The following EPG5 variants were observed in gnomAD, a reference collection of about 807,000 sequenced individuals.
EPG5 encodes the protein ectopic P-granules 5 autophagy tethering factor, also known as ectopic P granules protein 5 homolog.
In EPG5, 159 loss-of-function variants were observed where a neutral mutation model predicts 302.7. The observed-to-expected ratio is 0.53, with a 90% CI of 0.46 to 0.60. The LOEUF (loss-of-function observed/expected upper bound fraction) is 0.60, where lower values mean the gene tolerates loss of function less well. Among genes scored for constraint, EPG5 ranks in the 20% least tolerant of loss-of-function variants. The probability of loss-of-function intolerance (pLI) is 0.00; values close to 1 mark genes in which losing one functional copy is unlikely to be tolerated. For synonymous variants in EPG5, 1,158 were observed against 1,136.8 expected (o/e 1.02, Z -0.37); for missense variants, 2,896 against 3,092.4 (o/e 0.94, Z 1.51).
chr18:45,831,325 T>C, the EPG5 span, among the ~76,000 whole-genome samples: 1 of 152,234 alleles, frequency 6.6e-6, no homozygotes, highest in East Asian at 1.9e-4. Flanking sequence ...CTTTCCACTA[T>C]TTTTTACTAA....
chr18:45,921,440 G>A (rs1188305553), intron 16 of EPG5, among the ~76,000 whole-genome samples: 2 of 152,230 alleles, frequency 1.3e-5, no homozygotes, highest in Non-Finnish European at 2.9e-5. Flanking sequence ...AATCAACTGA[G>A]AAGTCATTCA....
the EPG5 span, among the ~76,000 whole-genome samples, chr18:45,807,666 C>G: frequency 6.6e-6 from 1 of 152,112 alleles, no homozygotes; most frequent in African/African-American, 2.4e-5. Flanking sequence ...AAGCCACATC[C>G]ATAGGAAAAG....
the EPG5 span, among the ~76,000 whole-genome samples, chr18:45,833,918 G>GAAA: frequency 6.6e-6 from 1 of 151,982 alleles, no homozygotes; most frequent in African/African-American, 2.4e-5. Context: ...AGGAAATATG[G>GAAA]AAAAAAACCC....
chr18:45,906,888 T>G lies in EPG5; in HGVS notation c.4329+1070A>C, dbSNP rs546886557. On this transcript the variant is annotated intron_variant, in intron 24 of 43. Transcript: ENST00000282041. ...CCAGGCTGGTCTTGAACTCCTGGCCTCAGGTGATCTACCCACCTCGGCCTC... is the reference window on the plus strand; with the variant it reads ...CCAGGCTGGTCTTGAACTCCTGGCCGCAGGTGATCTACCCACCTCGGCCTC... 3.3e-5 allele frequency among the ~76,000 whole-genome samples: 5 copies of G among 152,346 alleles called. No homozygotes were observed. In the East Asian group the frequency reaches 9.6e-4, roughly 29 times the overall value.
chr18:45,946,915 A>G, intron 6 of EPG5, 147 bp from the exon 7 acceptor site: 1 of 641,130 alleles, frequency 1.6e-6, no homozygotes, highest in Admixed American at 2.9e-5. Flanking sequence ...CCAAAAACCA[A>G]GGCTAATAAA....
At chr18:45,878,968 G>T in intron 33 of EPG5, 45 bp downstream of exon 33, 2 of 1,496,254 alleles carry the variant, frequency 1.3e-6, no homozygotes. Context: ...TCTCTTAATG[G>T]AAAGTCCAAA....
Position 45,878,961 on chromosome 18 carries a change from C to T in EPG5, c.5869+52G>A. ...TCTTAATGTGCCTATTTAAATCTCTCTTAATGGAAAGTCCAAACACCTAGC... is the reference window on the plus strand; with the variant it reads ...TCTTAATGTGCCTATTTAAATCTCTTTTAATGGAAAGTCCAAACACCTAGC... On this transcript the variant is annotated intron_variant, in intron 33 of 43. Transcript: ENST00000282041. 4.8e-6 allele frequency: 7 copies of T among 1,450,812 alleles called. No individual in the cohort carries two copies. In the East Asian group the frequency reaches 1.6e-4, roughly 33 times the overall value. 89.9% of individuals were successfully genotyped at this position (1,450,812 alleles called of 1,614,324 possible).
chr18:45,886,481 A>AT (rs2049219348), intron 29 of EPG5, among the ~76,000 whole-genome samples: 1 of 152,260 alleles, frequency 6.6e-6, no homozygotes, highest in Non-Finnish European at 1.5e-5. Flanking sequence ...CCATATCTAT[A>AT]TATCTCTATA....
Position 45,903,973 on chromosome 18 carries a change from C to T in EPG5, c.4474G>A (p.Ala1492Thr). ...AGGGGCAGGTGCTCCCAGGACCCAC[C>T]CAGCAAAGGATCAGTGAAGTCCAGC... ...VQLDFTDPLL[A>T]KERVLSNLRK... is the part of the protein sequence containing the mutation. Residue 1492 changes from alanine (A) to threonine (T), a missense_variant and splice_region_variant, in exon 25 of 44, where the codon GCT (alanine) becomes ACT (threonine). Transcript: ENST00000282041. The T allele has an allele frequency of 6.2e-7, 1 of 1,605,354 alleles. No individual in the cohort carries two copies. Among genetic ancestry groups the T allele is most frequent in the Non-Finnish European group, 8.5e-7 (1 of 1,178,170 alleles).
At chr18:45,826,100 G>A in the EPG5 span, among the ~76,000 whole-genome samples, 1 of 152,200 alleles carries the variant, frequency 6.6e-6, no homozygotes, top group East Asian at 1.9e-4. Flanking sequence ...GACATCACAG[G>A]CTCTGAACAA....
rs768639138 is a variant in EPG5 at position 45,913,689 on chromosome 18, A to T, written c.3816+17T>A. The T allele has an allele frequency of 2.4e-5, 39 of 1,613,570 alleles. No individual in the cohort carries two copies. The highest frequency in any genetic ancestry group is 3.3e-5 in the Admixed American group (2 of 59,932). On this transcript the variant is annotated intron_variant, in intron 21 of 43. Coordinates refer to ENST00000282041, the MANE Select transcript of EPG5 (RefSeq NM_020964.3). The stretch of plus-strand genomic sequence containing the variant: ...AAGCCACCTTCTACCACTCAAATGC[A>T]GAACTGCTATTTGTACCTTCAGAGC...
At chr18:45,834,006 T>C in the EPG5 span, among the ~76,000 whole-genome samples, 1 of 152,348 alleles carries the variant, frequency 6.6e-6, no homozygotes, top group African/African-American at 2.4e-5. Flanking sequence ...CTGTGTGCTC[T>C]GGCCTCATTA....
chr18:45,869,541 C>G (rs2048825966), intron 36 of EPG5, among the ~76,000 whole-genome samples: 1 of 152,166 alleles, frequency 6.6e-6, no homozygotes, highest in African/African-American at 2.4e-5. Flanking sequence ...TAAGGTCATC[C>G]TTTTTAAAAC....
chr18:45,831,397 C>T, the EPG5 span, among the ~76,000 whole-genome samples: 10 of 152,342 alleles, frequency 6.6e-5, no homozygotes, highest in Middle Eastern at 3.4e-3. Context: ...AGTCTACAAA[C>T]AGAAACCACA....
At chr18:45,939,898 T>C in intron 9 of EPG5, 143 bp from the exon 10 acceptor site, 3 of 721,294 alleles carry the variant, frequency 4.2e-6, no homozygotes, top group East Asian at 2.8e-5. Context: ...CTGAAACTAA[T>C]GAAATGGGGA....
intron 6 of EPG5, among the ~76,000 whole-genome samples, chr18:45,947,873 A>G (rs1463466464): frequency 1.3e-5 from 2 of 152,040 alleles, no homozygotes; most frequent in African/African-American, 4.8e-5. Flanking sequence ...CCCAGGTTCA[A>G]ATGATTCTCC....
chr18:45,872,657 TCGCACCAC>T (rs1453066213), intron 35 of EPG5, among the ~76,000 whole-genome samples: 1 of 151,850 alleles, frequency 6.6e-6, no homozygotes, highest in Non-Finnish European at 1.5e-5. Context: ...TGAGCCAAGA[TCGCACCAC>T]CGCACTCCAA....
At chr18:45,966,120 C>T (rs1044394009) in intron 1 of EPG5, among the ~76,000 whole-genome samples, 1 of 151,946 alleles carries the variant, frequency 6.6e-6, no homozygotes, top group East Asian at 1.9e-4. Flanking sequence ...CGCCTGTAAT[C>T]TCAGCACTTT....
Position 45,858,571 on chromosome 18 carries a change from G to T in EPG5, c.7221C>A (p.Tyr2407Ter). The change falls in exon 41 of 44, where the codon TAC becomes TAA. Residue 2407 changes from tyrosine (Y) to a stop codon, truncating the protein, a stop_gained. Coordinates refer to ENST00000282041, the MANE Select transcript of EPG5 (RefSeq NM_020964.3). LOFTEE classifies it high-confidence loss of function. ...CAGCCTGAGGGCCAACGTACCTTGG[G>T]TACACCTGTTCCAGCCACTTGCTTA... The part of the protein sequence containing the change: ...LILSKWLEQV[Y>*]PSSVEEEAKL... 6.2e-7 allele frequency: 1 copy of T among 1,613,644 alleles called. No homozygotes were observed. The highest frequency in any genetic ancestry group is 8.5e-7 in the Non-Finnish European group (1 of 1,179,580).
Sources: allele counts gnomAD v4.1 joint callset (sites outside exome capture counted in the v4.1 genomes callset), GRCh38; gene constraint gnomAD v4.1.1; transcripts MANE v1.5; gene names NCBI Gene and HGNC (gene_info 2026-07-23, HGNC 2026-07-21).